Variants in KRIT1 observed in about 807,000 individuals in gnomAD.
The protein encoded by KRIT1 is KRIT1 ankyrin repeat containing.
In KRIT1, 45 loss-of-function variants were observed where a neutral mutation model predicts 95.8. The observed-to-expected ratio is 0.47, with a 90% CI of 0.37 to 0.60. The LOEUF (loss-of-function observed/expected upper bound fraction) is 0.60. Among genes scored for constraint, KRIT1 ranks in the 20% least tolerant of loss-of-function variants. KRIT1 has a pLI of 0.00. For missense variants in KRIT1, 788 were observed against 877.5 expected, an observed-to-expected ratio of 0.90 and a Z score of 1.29; for synonymous variants, 282 against 278.8, an observed-to-expected ratio of 1.01 and a Z score of -0.11.
chr7:92,212,932 T>C lies in KRIT1; in HGVS notation c.2025+263A>G, dbSNP rs189925238. Among the ~76,000 whole-genome samples the C allele has an allele frequency of 5.8e-3, 889 of 152,368 alleles. 4 individuals carry two copies. The highest frequency in any genetic ancestry group is 9.4e-3 in the Non-Finnish European group (641 of 68,036). ...TTACATATTGTTCAGCACCTTGCTT[T>C]TTCATTAAATGTATCTTGCAGATCA... On this transcript the variant is annotated intron_variant, in intron 17 of 18. Coordinates refer to ENST00000394505, the MANE Select transcript of KRIT1 (RefSeq NM_194454.3).
intron 13 of KRIT1, 79 bp from the exon 14 acceptor site, chr7:92,222,132 G>T: frequency 1.8e-6 from 2 of 1,086,362 alleles, no homozygotes; most frequent in Non-Finnish European, 2.9e-6. Flanking sequence ...GTATTAAACT[G>T]TCTGCACTTC....
At chr7:92,243,092 T>A (rs1800042726) in intron 3 of KRIT1, among the ~76,000 whole-genome samples, 2 of 152,216 alleles carry the variant, frequency 1.3e-5, no homozygotes. Flanking sequence ...AGTGCTCGGA[T>A]TACAGGCGTG....
Position 92,235,385 on chromosome 7 carries a change from AATTC to A in KRIT1, c.729+14_729+17del. ...AAAACGTCTTTTAAATCAGAGCTAA[AATTC>A]ATTCAACTCTTACCCGATTTGTATA... On this transcript the variant is annotated intron_variant, in intron 8 of 18. Transcript: ENST00000394505. The A allele has an allele frequency of 6.2e-7, 1 of 1,612,826 alleles. No homozygotes were observed. Among genetic ancestry groups the A allele is most frequent in the Non-Finnish European group, 8.5e-7 (1 of 1,179,238 alleles).
chr7:92,216,721 T>TA (rs1427745216), intron 14 of KRIT1, among the ~76,000 whole-genome samples: 2 of 152,196 alleles, frequency 1.3e-5, no homozygotes. Context: ...GTAAATGGTG[T>TA]AAACTGTATT....
At chr7:92,239,256 G>T (rs1168867900) in intron 5 of KRIT1, among the ~76,000 whole-genome samples, 1 of 152,188 alleles carries the variant, frequency 6.6e-6, no homozygotes, top group African/African-American at 2.4e-5. Context: ...ACCAGGGGAA[G>T]TTTTTTGTTA....
intron 14 of KRIT1, among the ~76,000 whole-genome samples, chr7:92,216,177 C>T (rs1163242008): frequency 4.8e-5 from 7 of 146,796 alleles, no homozygotes; most frequent in South Asian, 4.3e-4. Flanking sequence ...TGCAGTGAGC[C>T]GAAATTGCAC....
chr7:92,222,796 CT>C, intron 13 of KRIT1, 25 bp downstream of exon 13: 1 of 1,426,664 alleles, frequency 7.0e-7, no homozygotes, highest in Non-Finnish European at 9.9e-7. Flanking sequence ...ATGAGGTTTA[CT>C]ATAACATAAT....
intron 17 of KRIT1, among the ~76,000 whole-genome samples, chr7:92,203,019 A>G (rs1790557474): frequency 1.3e-5 from 2 of 152,202 alleles, no homozygotes; most frequent in South Asian, 4.1e-4. Flanking sequence ...TATGGCTTCA[A>G]AACAGTTCAA....
chr7:92,202,969 T>C (rs2131124656), intron 17 of KRIT1, among the ~76,000 whole-genome samples: 1 of 152,296 alleles, frequency 6.6e-6, no homozygotes, highest in East Asian at 1.9e-4. Flanking sequence ...ATCAATCACC[T>C]GAAATTTCTT....
intron 5 of KRIT1, among the ~76,000 whole-genome samples, chr7:92,240,215 C>T (rs1042122431): frequency 1.2e-4 from 19 of 152,010 alleles, no homozygotes; most frequent in Non-Finnish European, 5.9e-5. Flanking sequence ...TAAATCAAAC[C>T]ACAGTATTTG....
intron 17 of KRIT1, among the ~76,000 whole-genome samples, chr7:92,207,586 G>T (rs1791847972): frequency 6.6e-6 from 1 of 152,246 alleles, no homozygotes; most frequent in Admixed American, 6.5e-5. Context: ...GCCAGGTGCA[G>T]TGGCTCACGC....
At chr7:92,219,401 T>C (rs1441236778) in intron 14 of KRIT1, among the ~76,000 whole-genome samples, 1 of 152,208 alleles carries the variant, frequency 6.6e-6, no homozygotes, top group African/African-American at 2.4e-5. Context: ...GAGACTATTC[T>C]TTCTCCATTA....
chr7:92,230,980 G>A, intron 10 of KRIT1, among the ~76,000 whole-genome samples: 1 of 152,106 alleles, frequency 6.6e-6, no homozygotes, highest in East Asian at 1.9e-4. Flanking sequence ...ATACAGTGAA[G>A]CTCCAAGTGA....
chr7:92,240,974 T>C lies in KRIT1; in HGVS notation c.262+19A>G, dbSNP rs1449231019. 1 of 1,585,114 alleles carries C rather than the reference T, an allele frequency of 6.3e-7. No homozygotes were observed. The highest frequency in any genetic ancestry group is 8.7e-7 in the Non-Finnish European group (1 of 1,153,778). On this transcript the variant is annotated intron_variant, in intron 5 of 18. Transcript: ENST00000394505. ...CAAGTATTTTAAACAATGTGTTTTT[T>C]AAAAAAGAAGTTTCCTACCTCTGAT...
At chr7:92,228,017 G>C (rs1467514846) in intron 10 of KRIT1, among the ~76,000 whole-genome samples, 1 of 152,036 alleles carries the variant, frequency 6.6e-6, no homozygotes, top group East Asian at 2.0e-4. Flanking sequence ...CGTCTCAGTG[G>C]GGGTTGCGGC....
intron 3 of KRIT1, 122 bp from the exon 4 acceptor site, chr7:92,242,259 T>A (rs951761730): frequency 5.8e-6 from 4 of 684,826 alleles, no homozygotes; most frequent in Admixed American, 2.4e-5. Context: ...GTCGAAAAAA[T>A]TAAAAAAAAA....
chr7:92,222,104 T>C, intron 13 of KRIT1, 51 bp from the exon 14 acceptor site: 1 of 1,370,092 alleles, frequency 7.3e-7, no homozygotes, highest in Non-Finnish European at 1.0e-6. Flanking sequence ...GTCAATTATA[T>C]CAATGCATAG....
chr7:92,223,016 A>C (rs767795844), intron 12 of KRIT1, 38 bp from the exon 13 acceptor site: 1 of 1,309,404 alleles, frequency 7.6e-7, no homozygotes, highest in Non-Finnish European at 1.1e-6. Flanking sequence ...AACTTAAAAA[A>C]TTATACATCA....
chr7:92,217,599 C>T (rs1794253896), intron 14 of KRIT1, among the ~76,000 whole-genome samples: 1 of 152,186 alleles, frequency 6.6e-6, no homozygotes, highest in Admixed American at 6.5e-5. Context: ...ATCATAACTT[C>T]ATTCCTTTGT....
Sources: allele counts gnomAD v4.1 joint callset (sites outside exome capture counted in the v4.1 genomes callset), GRCh38; gene constraint gnomAD v4.1.1; transcripts MANE v1.5; gene names NCBI Gene and HGNC (gene_info 2026-07-23, HGNC 2026-07-21).